Variants in NRG1 observed in about 807,000 individuals in gnomAD.
NRG1 encodes pro-neuregulin-1, membrane-bound isoform.
A neutral mutation model predicts 63.8 loss-of-function variants in NRG1; 18 were observed. The ratio of observed to expected loss-of-function variants is 0.28; its 90% CI spans 0.19 to 0.42. The LOEUF (loss-of-function observed/expected upper bound fraction) is 0.42, where lower values mean the gene tolerates loss of function less well. Ranked by LOEUF, NRG1 falls within the 10% of genes least tolerant of loss-of-function variation. The pLI, the probability that NRG1 is intolerant of heterozygous loss-of-function variation, is 1.00. For missense variants in NRG1, 762 were observed against 814.7 expected, an observed-to-expected ratio of 0.94 and a Z score of 0.79; for synonymous variants, 302 against 301.3, an observed-to-expected ratio of 1.00 and a Z score of -0.02.
chr8:32,306,209 A>C (rs1856167765), intron 1 of NRG1, among the ~76,000 whole-genome samples: 1 of 152,240 alleles, frequency 6.6e-6, no homozygotes, highest in South Asian at 2.1e-4. Context: ...TCTGTCACCA[A>C]TGTGAATTTA....
chr8:31,775,772 A>C (rs564386881), intron 1 of NRG1, among the ~76,000 whole-genome samples: 2 of 149,818 alleles, frequency 1.3e-5, no homozygotes, highest in Non-Finnish European at 3.0e-5. Flanking sequence ...AGTCCCAGCT[A>C]CTCGGGAGGC....
chr8:31,847,859 A>G (rs999138056), intron 1 of NRG1, among the ~76,000 whole-genome samples: 2 of 152,232 alleles, frequency 1.3e-5, no homozygotes, highest in Admixed American at 6.5e-5. Context: ...ATAACATTGA[A>G]CATAATACCC....
rs377379575 is a variant in NRG1, at chr8:31,882,189, AG to A, written c.37+242761del. On this transcript the variant is annotated intron_variant, in intron 1 of 10. Transcript: ENST00000519301. ...GCTCATTTACCATTCTGAAAATCTT[AG>A]GGCCCTTAAGAATTATATTAAATCT... Among the ~76,000 whole-genome samples the A allele has an allele frequency of 1.1e-4, 16 of 152,136 alleles. 1 individual carries two copies. Among genetic ancestry groups the A allele is most frequent in the African/African-American group, 3.6e-4 (15 of 41,530 alleles).
intron 1 of NRG1, among the ~76,000 whole-genome samples, chr8:32,142,313 A>G (rs1318152854): frequency 1.3e-5 from 2 of 152,172 alleles, no homozygotes; most frequent in African/African-American, 2.4e-5. Context: ...CACAGATTGC[A>G]GAGATAGTTG....
chr8:31,928,737 C>T (rs1038722602), intron 1 of NRG1, among the ~76,000 whole-genome samples: 1 of 151,738 alleles, frequency 6.6e-6, no homozygotes, highest in African/African-American at 2.4e-5. Flanking sequence ...TTGGATAGAA[C>T]TAGAGGCCAT....
intron 1 of NRG1, among the ~76,000 whole-genome samples, chr8:32,027,101 T>C (rs1297667622): frequency 6.6e-6 from 1 of 152,148 alleles, no homozygotes; most frequent in African/African-American, 2.4e-5. Context: ...TCTTTGAATT[T>C]TGTTTTAGTG....
chr8:32,695,672 A>G lies in NRG1; in HGVS notation c.503-32277A>G, dbSNP rs146899642. 2.1e-3 allele frequency among the ~76,000 whole-genome samples: 321 copies of G among 152,334 alleles called. 2 individuals are homozygous for G. Among genetic ancestry groups the G allele is most frequent in the African/African-American group, 7.2e-3 (299 of 41,580 alleles). On this transcript the variant is annotated intron_variant, in intron 5 of 11. Coordinates refer to ENST00000356819, the Ensembl canonical transcript of NRG1. ...CGTTCACTGTGATGTTGGCTGGGAC[A>G]CTGTGCCGGGTATGTGTGGGTCTAC...
At chr8:32,601,987 C>T (rs1038860410) in intron 2 of NRG1, among the ~76,000 whole-genome samples, 2 of 152,058 alleles carry the variant, frequency 1.3e-5, no homozygotes, top group East Asian at 1.9e-4. Flanking sequence ...AGGGATATCT[C>T]CTCTTGTATT....
chr8:32,618,283 C>A (rs1847737525), intron 5 of NRG1, among the ~76,000 whole-genome samples: 1 of 151,820 alleles, frequency 6.6e-6, no homozygotes, highest in Non-Finnish European at 1.5e-5. Context: ...TAATTTCTCT[C>A]CTGTGTGATT....
intron 1 of NRG1, among the ~76,000 whole-genome samples, chr8:32,313,431 T>C (rs531363200): frequency 1.1e-4 from 17 of 152,248 alleles, no homozygotes; most frequent in Non-Finnish European, 1.9e-4. Flanking sequence ...GCATTATAAA[T>C]AACGAGTCCT....
intron 1 of NRG1, among the ~76,000 whole-genome samples, chr8:31,698,082 G>A (rs1234646962): frequency 6.6e-6 from 1 of 152,140 alleles, no homozygotes; most frequent in Non-Finnish European, 1.5e-5. Flanking sequence ...CAAATAATGT[G>A]TATGTCGGTA....
At chr8:31,682,004 T>G (rs1437917237) in intron 1 of NRG1, among the ~76,000 whole-genome samples, 1 of 152,150 alleles carries the variant, frequency 6.6e-6, no homozygotes, top group East Asian at 1.9e-4. Context: ...CTTAGTGCTG[T>G]GCATTCTGTG....
intron 5 of NRG1, chr8:32,647,953 T>C: frequency 6.2e-7 from 1 of 1,614,146 alleles, no homozygotes; most frequent in Non-Finnish European, 8.5e-7. Context: ...ATCTGCATTG[T>C]CCCCATCCTG....
intron 1 of NRG1, among the ~76,000 whole-genome samples, chr8:32,381,039 G>A (rs775843088): frequency 1.2e-4 from 19 of 152,072 alleles, no homozygotes; most frequent in Non-Finnish European, 2.1e-4. Flanking sequence ...ATTTGTACCC[G>A]TTAGTCAACT....
At chr8:32,168,847 A>G (rs1839680844) in intron 1 of NRG1, among the ~76,000 whole-genome samples, 1 of 152,094 alleles carries the variant, frequency 6.6e-6, no homozygotes, top group African/African-American at 2.4e-5. Flanking sequence ...GACACATTGT[A>G]AATGTCCTTA....
chr8:32,511,298 A>AAC (rs1036794482), intron 1 of NRG1, among the ~76,000 whole-genome samples: 5 of 145,758 alleles, frequency 3.4e-5, no homozygotes, highest in African/African-American at 1.0e-4. Flanking sequence ...GTTTCTTTTC[A>AAC]ACACACACAC....
chr8:31,845,431 G>T (rs530366041), intron 1 of NRG1, among the ~76,000 whole-genome samples: 1 of 152,204 alleles, frequency 6.6e-6, no homozygotes, highest in East Asian at 1.9e-4. Flanking sequence ...TATTATTACA[G>T]TTCTTTTTTT....
chr8:32,247,341 A>G (rs997633577), intron 1 of NRG1, among the ~76,000 whole-genome samples: 1 of 152,108 alleles, frequency 6.6e-6, no homozygotes, highest in South Asian at 2.1e-4. Context: ...AAATATTTAT[A>G]CTGATAACAT....
At chr8:32,576,361 C>T (rs918332844) in intron 1 of NRG1, among the ~76,000 whole-genome samples, 6 of 151,970 alleles carry the variant, frequency 3.9e-5, no homozygotes, top group Non-Finnish European at 5.9e-5. Context: ...TTTTTAAACC[C>T]TGTATTGACT....
Sources: allele counts gnomAD v4.1 joint callset (sites outside exome capture counted in the v4.1 genomes callset), GRCh38; gene constraint gnomAD v4.1.1; transcripts MANE v1.5; gene names NCBI Gene and HGNC (gene_info 2026-07-23, HGNC 2026-07-21).